GGT1: variants seen among roughly 807,000 people sequenced by gnomAD.
GGT1 encodes gamma-glutamyltransferase 1.
GGT1 carries 21 observed loss-of-function variants against 56.0 expected under a neutral mutation model. That is an observed-to-expected ratio of 0.38 (90% CI 0.27 to 0.54). The LOEUF (loss-of-function observed/expected upper bound fraction) is 0.54, where lower values mean the gene tolerates loss of function less well. Ranked by LOEUF, GGT1 falls within the 20% of genes least tolerant of loss-of-function variation. The pLI, the probability that GGT1 is intolerant of heterozygous loss-of-function variation, is 0.82. For missense variants in GGT1, 466 were observed against 787.0 expected, an observed-to-expected ratio of 0.59 and a Z score of 4.88; for synonymous variants, 238 against 342.6, an observed-to-expected ratio of 0.69 and a Z score of 3.37.
chr22:24,585,750 T>C, the GGT1 span: 1 of 1,001,060 alleles, frequency 1.0e-6, no homozygotes, highest in East Asian at 2.6e-5. Context: ...AGTCCATTCT[T>C]CTGTCCCCTT....
Position 24,623,802 on chromosome 22 carries a change from C to T in GGT1, c.906C>T (p.Ser302=), listed in dbSNP as rs949956686. 27 of 1,611,750 alleles carry T rather than the reference C, an allele frequency of 1.7e-5. No individual in the cohort carries two copies. The highest frequency in any genetic ancestry group is 5.3e-5 in the African/African-American group (4 of 74,788). ...CAGGGTACAACTTCTCCCGGGAGAG[C>T]GTGGAGAGCCCCGAGCAGAAGGGCC... ...ILKGYNFSRE[S]VESPEQKGLT... The change falls in exon 11 of 16, where the codon AGC becomes AGT. Residue 302 remains serine (S), a synonymous_variant. Coordinates refer to ENST00000400382, the MANE Select transcript of GGT1 (RefSeq NM_001288833.2).
chr22:24,593,044 G>A, upstream of GGT1: 1 of 1,042,702 alleles, frequency 9.6e-7, no homozygotes, highest in Non-Finnish European at 1.2e-6. Context: ...CCCCATGGCC[G>A]CCGCGCGATG....
At chr22:24,585,176 C>T in the GGT1 span, among the ~76,000 whole-genome samples, 4 of 152,284 alleles carry the variant, frequency 2.6e-5, no homozygotes, top group East Asian at 5.8e-4. Flanking sequence ...GCAAGCAGCA[C>T]TGTACCCTGT....
At chr22:24,593,548 G>A (rs932224169), upstream of GGT1, among the ~76,000 whole-genome samples, 1 of 152,204 alleles carries the variant, frequency 6.6e-6, no homozygotes, top group Non-Finnish European at 1.5e-5. Flanking sequence ...AGCACTTTGG[G>A]GGGCCGAGGC....
chr22:24,586,332 C>A, the GGT1 span: 1 of 1,613,966 alleles, frequency 6.2e-7, no homozygotes, highest in African/African-American at 1.3e-5. Context: ...ATGTGTTGCA[C>A]GTCCTGTGTC....
In GGT1 at chr22:24,615,074, C is replaced by T. The variant is rs1284566036; in HGVS notation, c.329C>T (p.Ala110Val). The T allele has an allele frequency of 1.9e-6, 3 of 1,611,690 alleles. No individual in the cohort carries two copies. Among genetic ancestry groups the T allele is most frequent in the African/African-American group, 1.3e-5 (1 of 74,882 alleles). Residue 110 changes from alanine (A) to valine (V), a missense_variant, in exon 7 of 16, where the codon GCC becomes GTC. This residue lies in a region of GGT1 where 456 missense variants were observed against 716.7 expected (regional missense o/e 0.64). Coordinates refer to ENST00000400382, the MANE Select transcript of GGT1 (RefSeq NM_001288833.2). ...KAEVINAREV[A>V]PRLAFATMFN... ...GAGGTCATCAACGCCCGCGAGGTGG[C>T]CCCCAGGCTGGCCTTTGCCACCATG... is the stretch of plus-strand genomic sequence containing the variant.
rs1330586582 is a variant in GGT1 at position 24,611,198 on chromosome 22, C to G, written c.117C>G (p.Thr39=). The change falls in exon 5 of 16, where the codon ACC becomes ACG. Residue 39 remains threonine (T), a synonymous_variant. Transcript: ENST00000400382. ...AGGAACCTGACAACCATGTGTACAC[C>G]AGGGCTGCCGTGGCCGCGGATGCCA... ...ASKEPDNHVY[T]RAAVAADAKQ... is the part of the protein sequence containing the mutation. 1 of 1,585,478 alleles carries G rather than the reference C, an allele frequency of 6.3e-7. No individual in the cohort carries two copies. The highest frequency in any genetic ancestry group is 1.3e-5 in the African/African-American group (1 of 74,332).
chr22:24,613,607 G>A (rs543266483), intron 5 of GGT1, among the ~76,000 whole-genome samples: 97 of 151,498 alleles, frequency 6.4e-4, no homozygotes, highest in Non-Finnish European at 1.1e-3. Context: ...AAAGTTAGCC[G>A]GGCATGGTGG....
chr22:24,586,445 C>T, the GGT1 span: 1 of 1,581,312 alleles, frequency 6.3e-7, no homozygotes, highest in Non-Finnish European at 8.6e-7. Context: ...ATGGACTAGG[C>T]AACCAGGCAG....
In GGT1 at chr22:24,620,272, C is replaced by G. The variant is rs1459059813; in HGVS notation, c.383-56C>G. The G allele has an allele frequency of 2.1e-5, 34 of 1,582,948 alleles. No individual in the cohort carries two copies. The highest frequency in any genetic ancestry group is 2.7e-5 in the Non-Finnish European group (31 of 1,165,278). ...GGGACTGTGCCTGGGATGCTGCCTG[C>G]GAGAGATCCCGATGTCCCCCACTCA... On this transcript the variant is annotated intron_variant, in intron 7 of 15. Coordinates refer to ENST00000400382, the MANE Select transcript of GGT1 (RefSeq NM_001288833.2). The surrounding 1 kb of genome is among the most constrained non-coding windows in gnomAD (Gnocchi z 5.6).
At chr22:24,584,270 G>A in the GGT1 span, among the ~76,000 whole-genome samples, 1 of 152,178 alleles carries the variant, frequency 6.6e-6, no homozygotes, top group African/African-American at 2.4e-5. Flanking sequence ...ATTTAACAGA[G>A]GGGAGGGAGC....
At chr22:24,605,524 TATATA>T (rs1333862908) in intron 1 of GGT1, among the ~76,000 whole-genome samples, 1 of 62,462 alleles carries the variant, frequency 1.6e-5, no homozygotes, top group Non-Finnish European at 2.4e-5. Flanking sequence ...TATTATATAT[TATATA>T]ATATTATATA....
chr22:24,594,073 A>G (rs1439104078), upstream of GGT1, among the ~76,000 whole-genome samples: 1 of 152,156 alleles, frequency 6.6e-6, no homozygotes, highest in African/African-American at 2.4e-5. Context: ...AGGCAGAGTG[A>G]GATGGGGGCC....
chr22:24,622,669 T>C (rs1348000279), intron 9 of GGT1, among the ~76,000 whole-genome samples: 1 of 151,556 alleles, frequency 6.6e-6, no homozygotes, highest in Non-Finnish European at 1.5e-5. Flanking sequence ...GGAGGATCAC[T>C]TGAGCCCAGG....
chr22:24,592,550 A>C (rs1023299531), upstream of GGT1: 2 of 441,092 alleles, frequency 4.5e-6, no homozygotes, highest in Non-Finnish European at 8.8e-6. Context: ...GGTCCAGGCT[A>C]CCGGGCCACC....
rs56039351 is a variant in GGT1 at position 24,606,286 on chromosome 22, G to A, written c.-428-1668G>A. ...ATATCTCCTAATGCTATCCCTCCCC[G>A]TTCCCCTCACCCCACAACAGGCCCC... On this transcript the variant is annotated intron_variant, in intron 1 of 15. Coordinates refer to ENST00000400382, the MANE Select transcript of GGT1 (RefSeq NM_001288833.2). Among the ~76,000 whole-genome samples the A allele has an allele frequency of 6.1e-3, 921 of 150,424 alleles. 6 individuals are homozygous for A. Among genetic ancestry groups the A allele is most frequent in the South Asian group, 0.016 (75 of 4,800 alleles).
upstream of GGT1, chr22:24,593,065 C>T (rs1374078036): frequency 1.6e-5 from 17 of 1,037,376 alleles, no homozygotes; most frequent in Non-Finnish European, 1.9e-5. Flanking sequence ...GTCGCCGAAC[C>T]CACAGGAGGC....
Position 24,614,782 on chromosome 22 carries a change from A to G in GGT1, c.171A>G (p.Ala57=). Residue 57 remains alanine, a synonymous_variant, in exon 6 of 16, where the codon GCA becomes GCG. Transcript: ENST00000400382. ...TTTATGTGCCACATGGCAGGGATGC[A>G]CTGCGGGACGGTGGCTCTGCGGTGG... ...AKQCSKIGRD[A]LRDGGSAVDA... The G allele has an allele frequency of 6.2e-7, 1 of 1,613,590 alleles. No individual in the cohort carries two copies. Among genetic ancestry groups the G allele is most frequent in the Non-Finnish European group, 8.5e-7 (1 of 1,179,792 alleles).
At chr22:24,590,095 T>C (rs2045524230), upstream of GGT1, 1 of 964,644 alleles carries the variant, frequency 1.0e-6, no homozygotes, top group Non-Finnish European at 1.5e-6. Context: ...CAGGCGGCCA[T>C]GGGCCAACAG....
Sources: gnomAD v4.1 joint callset for allele counts (sites outside exome capture counted in the v4.1 genomes callset) on GRCh38, gnomAD v4.1.1 for gene constraint, gnomAD v4.1.1 regional missense constraint, Gnocchi (gnomAD v3.1) non-coding constraint, MANE v1.5 for transcripts, NCBI Gene and HGNC (gene_info 2026-07-23, HGNC 2026-07-21) for gene names.